RBFOX1: variants seen among roughly 807,000 people sequenced by gnomAD.
The protein encoded by RBFOX1 is RNA binding fox-1 homolog 1.
In RBFOX1, 8 loss-of-function variants were observed where a neutral mutation model predicts 57.7. The observed-to-expected ratio is 0.14, with a 90% CI of 0.08 to 0.25. The LOEUF (loss-of-function observed/expected upper bound fraction) is 0.25, where lower values mean the gene tolerates loss of function less well. RBFOX1 is among the 10% of genes least tolerant of loss of function. The pLI is 1.00. For synonymous variants in RBFOX1, 326 were observed against 222.4 expected (o/e 1.47, Z -4.15); for missense variants, 611 against 548.5 (o/e 1.11, Z -1.14).
chr16:6,905,231 A>G (rs562063167), intron 3 of RBFOX1, among the ~76,000 whole-genome samples: 1 of 151,882 alleles, frequency 6.6e-6, no homozygotes, highest in South Asian at 2.1e-4. Context: ...CCTAGCTAAC[A>G]GTCTCTGTAA....
At chr16:7,194,219 C>G (rs997657840) in intron 4 of RBFOX1, among the ~76,000 whole-genome samples, 28 of 152,164 alleles carry the variant, frequency 1.8e-4, no homozygotes, top group African/African-American at 6.5e-4. Flanking sequence ...GCCTCCGGCT[C>G]AGTGTCTACA....
rs145993426 is a variant in RBFOX1 at position 6,591,795 on chromosome 16, C to G, written c.-63-62808C>G. 4.1e-3 allele frequency among the ~76,000 whole-genome samples: 617 copies of G among 152,250 alleles called. 5 individuals are homozygous for G. The highest frequency in any genetic ancestry group is 0.013 in the African/African-American group (550 of 41,552). Reference sequence around the variant, plus strand: ...AATGAAGAAGGAGAAGCATTTTAAACGCACTAACAAACCTCACTTTTTAAA... The same window carrying G: ...AATGAAGAAGGAGAAGCATTTTAAAGGCACTAACAAACCTCACTTTTTAAA... On this transcript the variant is annotated intron_variant, in intron 2 of 15. Coordinates refer to ENST00000550418, the MANE Select transcript of RBFOX1 (RefSeq NM_018723.4).
At chr16:6,452,257 T>C (rs1014996434) in intron 2 of RBFOX1, among the ~76,000 whole-genome samples, 1 of 151,592 alleles carries the variant, frequency 6.6e-6, no homozygotes, top group Non-Finnish European at 1.5e-5. Flanking sequence ...CATCCATGAC[T>C]CCATCCATGG....
At chr16:5,366,313 ATG>A (rs2065713860) in intron 1 of RBFOX1, 42 of 339,784 alleles carry the variant, frequency 1.2e-4, no homozygotes, top group Middle Eastern at 9.7e-4. Context: ...GATGATGAAG[ATG>A]ATGATGATGA....
At chr16:5,574,348 T>A (rs1350079921) in intron 2 of RBFOX1, among the ~76,000 whole-genome samples, 1 of 152,232 alleles carries the variant, frequency 6.6e-6, no homozygotes, top group African/African-American at 2.4e-5. Flanking sequence ...AGGTTACTGA[T>A]TCTCATCCAA....
intron 4 of RBFOX1, among the ~76,000 whole-genome samples, chr16:7,282,590 A>C (rs1451187854): frequency 6.6e-6 from 1 of 151,976 alleles, no homozygotes; most frequent in Non-Finnish European, 1.5e-5. Context: ...TTCTTTTAAA[A>C]AATTTTTCCA....
At chr16:7,529,852 T>C (rs74413726) in intron 5 of RBFOX1, among the ~76,000 whole-genome samples, 9,987 of 151,662 alleles carry the variant, frequency 0.066, 467 homozygotes, top group East Asian at 0.22. Flanking sequence ...CTCCTAAAAA[T>C]ACAAAAATTA....
intron 1 of RBFOX1, among the ~76,000 whole-genome samples, chr16:5,406,707 T>G (rs1184183187): frequency 6.6e-6 from 1 of 152,184 alleles, no homozygotes; most frequent in Non-Finnish European, 1.5e-5. Flanking sequence ...AGAACCCTAA[T>G]ATATCCAGCA....
chr16:6,079,775 C>G lies in RBFOX1; in HGVS notation c.-127+59783C>G, dbSNP rs148586204. Among the ~76,000 whole-genome samples the G allele has an allele frequency of 5.7e-3, 871 of 152,010 alleles. 7 individuals carry two copies. The highest frequency in any genetic ancestry group is 0.02 in the African/African-American group (849 of 41,474). On this transcript the variant is annotated intron_variant, in intron 1 of 15. Transcript: ENST00000550418. ...GGCCTGGGCTGAGCAGTTGCAGGCTCGTTGGAGCTGTGATTGTGTTACTGC... is the reference window on the plus strand; with the variant it reads ...GGCCTGGGCTGAGCAGTTGCAGGCTGGTTGGAGCTGTGATTGTGTTACTGC...
chr16:6,748,649 A>G (rs1050238414), intron 3 of RBFOX1, among the ~76,000 whole-genome samples: 15 of 152,208 alleles, frequency 9.9e-5, no homozygotes, highest in Admixed American at 9.8e-4. Flanking sequence ...ACAAGGCAAG[A>G]TCCTGTCTCA....
intron 14 of RBFOX1, among the ~76,000 whole-genome samples, chr16:7,699,932 T>C (rs773204088): frequency 6.6e-6 from 1 of 152,138 alleles, no homozygotes; most frequent in Non-Finnish European, 1.5e-5. Flanking sequence ...AGTTAAAATG[T>C]TGTGACAGAT....
chr16:7,463,774 G>A (rs1399432732), intron 4 of RBFOX1, among the ~76,000 whole-genome samples: 8 of 152,152 alleles, frequency 5.3e-5, no homozygotes, highest in Non-Finnish European at 8.8e-5. Context: ...ATAAATGTTA[G>A]CAGACATTGC....
intron 3 of RBFOX1, among the ~76,000 whole-genome samples, chr16:7,049,776 G>A (rs1443986093): frequency 6.6e-6 from 1 of 152,142 alleles, no homozygotes; most frequent in Non-Finnish European, 1.5e-5. Flanking sequence ...GCATTCAGTG[G>A]GGGAAACAGG....
intron 1 of RBFOX1, among the ~76,000 whole-genome samples, chr16:6,164,427 A>G (rs748343622): frequency 1.3e-4 from 19 of 151,650 alleles, no homozygotes; most frequent in Non-Finnish European, 5.9e-5. Flanking sequence ...ATTAGTTAGA[A>G]GTGATGTTTT....
intron 1 of RBFOX1, among the ~76,000 whole-genome samples, chr16:6,207,622 A>T (rs976105929): frequency 6.6e-6 from 1 of 152,188 alleles, no homozygotes; most frequent in Non-Finnish European, 1.5e-5. Flanking sequence ...TTATTTGCCT[A>T]TTGAATAATA....
intron 2 of RBFOX1, among the ~76,000 whole-genome samples, chr16:6,364,328 T>A (rs958595731): frequency 3.9e-5 from 6 of 152,220 alleles, no homozygotes; most frequent in African/African-American, 1.4e-4. Flanking sequence ...GCATTTTCCC[T>A]CTCTTCTTCC....
At chr16:7,166,500 G>C (rs1429209897) in intron 4 of RBFOX1, among the ~76,000 whole-genome samples, 17 of 152,150 alleles carry the variant, frequency 1.1e-4, no homozygotes, top group Admixed American at 1.0e-3. Flanking sequence ...AAGATCAGAG[G>C]TTGGAGAAGA....
Position 5,587,571 on chromosome 16 carries a change from G to A in RBFOX1, c.259-11331G>A, listed in dbSNP as rs188244630. On this transcript the variant is annotated intron_variant, in intron 2 of 2. Coordinates refer to the RBFOX1 transcript ENST00000585867. ...CTACTAAAAATACAAAAATTGGCCA[G>A]GCCTGGTGGCAGATGCCTGTAATCC... Among the ~76,000 whole-genome samples, 22 of 152,272 alleles carry A rather than the reference G, an allele frequency of 1.4e-4. No individual in the cohort carries two copies. In the East Asian group the frequency reaches 2.3e-3, roughly 16 times the overall value.
At position 7,333,734 on chromosome 16, in the gene RBFOX1, A is replaced by G. The variant is rs144561291; in HGVS notation, c.28-184413A>G. Among the ~76,000 whole-genome samples the G allele has an allele frequency of 1.1e-3, 163 of 151,500 alleles. 1 individual carries two copies. Among genetic ancestry groups the G allele is most frequent in the South Asian group, 0.011 (51 of 4,806 alleles). The stretch of plus-strand genomic sequence containing the variant: ...TTTGAAGTCTTTTAATTCTGTGCAG[A>G]GAGGATTAATCTACCAATAAACAAT... On this transcript the variant is annotated intron_variant, in intron 4 of 15. Transcript: ENST00000550418.
Sources: allele counts gnomAD v4.1 joint callset (sites outside exome capture counted in the v4.1 genomes callset), GRCh38; gene constraint gnomAD v4.1.1; transcripts MANE v1.5; gene names NCBI Gene and HGNC (gene_info 2026-07-23, HGNC 2026-07-21).